Variants in ADAMTS19 observed in about 807,000 individuals in gnomAD.
ADAMTS19 encodes ADAM metallopeptidase with thrombospondin type 1 motif 19.
A neutral mutation model predicts 153.3 loss-of-function variants in ADAMTS19; 93 were observed. The observed-to-expected ratio is 0.61, with a 90% CI of 0.51 to 0.72. ADAMTS19 has a LOEUF of 0.72. ADAMTS19 is among the 30% of genes least tolerant of loss of function. The pLI, the probability that ADAMTS19 is intolerant of heterozygous loss-of-function variation, is 0.00. For synonymous variants in ADAMTS19, 600 were observed against 556.6 expected, an observed-to-expected ratio of 1.08 and a Z score of -1.10; for missense variants, 1,482 against 1,552.1, an observed-to-expected ratio of 0.95 and a Z score of 0.76.
intron 7 of ADAMTS19, among the ~76,000 whole-genome samples, chr5:129,576,779 G>C (rs1754119170): frequency 6.6e-6 from 1 of 152,024 alleles, no homozygotes; most frequent in East Asian, 1.9e-4. Flanking sequence ...CACACTGTTG[G>C]ATTTGGTGGC....
At chr5:129,600,148 T>C (rs1431624825) in intron 8 of ADAMTS19, among the ~76,000 whole-genome samples, 1 of 152,162 alleles carries the variant, frequency 6.6e-6, no homozygotes, top group African/African-American at 2.4e-5. Flanking sequence ...ATAGTCTCTC[T>C]AGTAGGGAAA....
intron 14 of ADAMTS19, among the ~76,000 whole-genome samples, chr5:129,655,433 A>G (rs560973854): frequency 4.6e-4 from 70 of 152,344 alleles, no homozygotes; most frequent in South Asian, 4.6e-3. Flanking sequence ...TGGCAATGAA[A>G]GAGGCTGCTG....
intron 8 of ADAMTS19, among the ~76,000 whole-genome samples, chr5:129,606,881 C>G (rs574815935): frequency 7.1e-4 from 107 of 151,062 alleles, no homozygotes; most frequent in African/African-American, 2.6e-3. Flanking sequence ...ATTTGAAAGC[C>G]TGGTTGGAAA....
chr5:129,626,133 T>C (rs1752033909), intron 10 of ADAMTS19, among the ~76,000 whole-genome samples: 1 of 152,148 alleles, frequency 6.6e-6, no homozygotes, highest in African/African-American at 2.4e-5. Context: ...TACTTTGAAG[T>C]TCTTATACCT....
Position 129,670,214 on chromosome 5 carries a change from TA to T in ADAMTS19, c.2506+4636del, listed in dbSNP as rs552089462. ...ATTGCATATCCTTGTCTGAATTTTT[TA>T]TTTGTTTAAATTCTTGCTTTTCTAA... On this transcript the variant is annotated intron_variant, in intron 16 of 22. Transcript: ENST00000274487. Among the ~76,000 whole-genome samples, 58 of 152,340 alleles carry T rather than the reference TA, an allele frequency of 3.8e-4. No homozygotes were observed. The East Asian group carries it at 0.01, about 27-fold the overall frequency.
chr5:129,690,107 A>G (rs1486737124), intron 18 of ADAMTS19, among the ~76,000 whole-genome samples: 1 of 151,154 alleles, frequency 6.6e-6, no homozygotes, highest in Admixed American at 6.6e-5. Flanking sequence ...CTTTACCAGT[A>G]TTGACCATGC....
intron 2 of ADAMTS19, chr5:129,500,475 G>A (rs1038224398): frequency 6.6e-6 from 1 of 152,072 alleles, no homozygotes; most frequent in Non-Finnish European, 1.5e-5. Context: ...CAGTCTCTGG[G>A]GATCTCAGTC....
rs191849194 is a variant in ADAMTS19 at position 129,547,349 on chromosome 5, T to C, written c.1329-4515T>C. On this transcript the variant is annotated intron_variant, in intron 6 of 22. Coordinates refer to ENST00000274487, the MANE Select transcript of ADAMTS19 (RefSeq NM_133638.6). ...GAACATGATACTGCTGACACATTGATTTTAGTGCAGTAAAGCCCATTTCAA... is the reference window on the plus strand; with the variant it reads ...GAACATGATACTGCTGACACATTGACTTTAGTGCAGTAAAGCCCATTTCAA... 1.9e-4 allele frequency among the ~76,000 whole-genome samples: 28 copies of C among 151,022 alleles called. No individual in the cohort carries two copies. In the East Asian group the frequency reaches 5.4e-3, roughly 29 times the overall value.
chr5:129,557,918 G>A (rs1753369890), intron 7 of ADAMTS19, among the ~76,000 whole-genome samples: 1 of 151,618 alleles, frequency 6.6e-6, no homozygotes. Flanking sequence ...TTTATTGCAG[G>A]TTTATTCCAG....
chr5:129,535,450 T>G (rs1211134443), intron 6 of ADAMTS19, among the ~76,000 whole-genome samples: 1 of 152,096 alleles, frequency 6.6e-6, no homozygotes, highest in Non-Finnish European at 1.5e-5. Context: ...TGCTTATGGG[T>G]AGGAAGAATC....
At chr5:129,638,489 C>T (rs1752628308) in intron 10 of ADAMTS19, among the ~76,000 whole-genome samples, 1 of 151,396 alleles carries the variant, frequency 6.6e-6, no homozygotes, top group Non-Finnish European at 1.5e-5. Context: ...TTATATTAGT[C>T]TTTATAAAGA....
intron 16 of ADAMTS19, 29 bp downstream of exon 16, chr5:129,665,608 T>C: frequency 1.9e-6 from 3 of 1,556,630 alleles, no homozygotes; most frequent in Non-Finnish European, 2.6e-6. Flanking sequence ...ACAGAGAAGA[T>C]CCAAGTACGA....
chr5:129,679,198 A>G (rs796433327), intron 16 of ADAMTS19, among the ~76,000 whole-genome samples: 87 of 152,316 alleles, frequency 5.7e-4, no homozygotes, highest in African/African-American at 1.9e-3. Flanking sequence ...TCTTGTTCAC[A>G]GCAAATCACA....
intron 14 of ADAMTS19, among the ~76,000 whole-genome samples, chr5:129,658,309 AAAAGAAAGAAAG>A (rs150048700): frequency 0.091 from 10,361 of 113,466 alleles, 609 homozygotes; most frequent in South Asian, 0.13. Flanking sequence ...GAAAGAAAGA[AAAAGAAAGAAAG>A]AAAGAAAGAA....
chr5:129,578,921 T>C (rs979012536), intron 7 of ADAMTS19, among the ~76,000 whole-genome samples: 2 of 152,186 alleles, frequency 1.3e-5, no homozygotes, highest in African/African-American at 2.4e-5. Flanking sequence ...TGTGTCTTTA[T>C]AGTAGAATGA....
At chr5:129,548,502 C>A (rs1752945605) in intron 6 of ADAMTS19, among the ~76,000 whole-genome samples, 1 of 152,040 alleles carries the variant, frequency 6.6e-6, no homozygotes, top group South Asian at 2.1e-4. Flanking sequence ...GTTAGAATGG[C>A]AATCATTAAA....
At chr5:129,710,819 C>T (rs990916939) in intron 21 of ADAMTS19, among the ~76,000 whole-genome samples, 1 of 152,156 alleles carries the variant, frequency 6.6e-6, no homozygotes. Context: ...CAAGAATATA[C>T]TGAAGTAACT....
At chr5:129,474,720 C>G (rs1425830358) in intron 2 of ADAMTS19, among the ~76,000 whole-genome samples, 3 of 152,170 alleles carry the variant, frequency 2.0e-5, no homozygotes, top group Admixed American at 1.3e-4. Flanking sequence ...CTGTTCTTAT[C>G]TCCAGCCCCA....
chr5:129,608,114 GTGTA>G (rs1160482994), intron 8 of ADAMTS19, among the ~76,000 whole-genome samples: 1 of 28,744 alleles, frequency 3.5e-5, no homozygotes, highest in African/African-American at 6.8e-5. Flanking sequence ...GTGTGTGTGT[GTGTA>G]TATATATATA....
Sources: gnomAD v4.1 joint callset for allele counts (sites outside exome capture counted in the v4.1 genomes callset) on GRCh38, gnomAD v4.1.1 for gene constraint, MANE v1.5 for transcripts, NCBI Gene and HGNC (gene_info 2026-07-23, HGNC 2026-07-21) for gene names.